CSMD3: variants seen among roughly 807,000 people sequenced by gnomAD.
CSMD3 encodes CUB and Sushi multiple domains 3, also known as CUB and sushi domain-containing protein 3.
Under a neutral mutation model 435.2 loss-of-function variants are expected in CSMD3, and 177 were observed. The observed-to-expected ratio is 0.41, with a 90% CI of 0.36 to 0.46. The LOEUF is 0.46. Ranked by LOEUF, CSMD3 falls within the 20% of genes least tolerant of loss-of-function variation. The pLI, the probability that CSMD3 is intolerant of heterozygous loss-of-function variation, is 0.34. For synonymous variants in CSMD3, 1,656 were observed against 1,520.5 expected (o/e 1.09, Z -2.07); for missense variants, 4,265 against 4,504.6 (o/e 0.95, Z 1.52).
chr8:113,385,869 C>T (rs2094437056), intron 1 of CSMD3, among the ~76,000 whole-genome samples: 1 of 151,856 alleles, frequency 6.6e-6, no homozygotes, highest in Non-Finnish European at 1.5e-5. Context: ...TTTTAATTTG[C>T]TTTTTATTAA....
intron 2 of CSMD3, 75 bp downstream of exon 2, chr8:113,314,496 A>C (rs1461605875): frequency 2.4e-6 from 2 of 843,620 alleles, no homozygotes; most frequent in South Asian, 1.4e-5. Flanking sequence ...ACAAATGTTA[A>C]GCATCTTTTG....
intron 14 of CSMD3, among the ~76,000 whole-genome samples, chr8:112,688,625 A>G (rs1219115508): frequency 6.6e-6 from 1 of 152,026 alleles, no homozygotes; most frequent in Non-Finnish European, 1.5e-5. Flanking sequence ...AATTTTTTGT[A>G]TGAGTTATTT....
intron 7 of CSMD3, among the ~76,000 whole-genome samples, chr8:112,956,739 G>A (rs1213272400): frequency 1.3e-5 from 2 of 152,064 alleles, no homozygotes; most frequent in African/African-American, 2.4e-5. Context: ...GGACAGATTA[G>A]CATGCCTACT....
intron 5 of CSMD3, among the ~76,000 whole-genome samples, chr8:113,048,931 T>G (rs2131317999): frequency 6.6e-6 from 1 of 152,242 alleles, no homozygotes; most frequent in African/African-American, 2.4e-5. Flanking sequence ...TATACAGCAT[T>G]TTGTGTTTTA....
intron 3 of CSMD3, among the ~76,000 whole-genome samples, chr8:113,178,874 A>T (rs894619048): frequency 6.6e-6 from 1 of 151,884 alleles, no homozygotes; most frequent in Non-Finnish European, 1.5e-5. Flanking sequence ...TCACGCAGTG[A>T]TGTATATCCT....
chr8:113,290,285 T>A (rs2132525373), intron 2 of CSMD3, among the ~76,000 whole-genome samples: 1 of 151,752 alleles, frequency 6.6e-6, no homozygotes, highest in Admixed American at 6.6e-5. Context: ...CTTATGATAG[T>A]GATGATTAAA....
In CSMD3 at chr8:113,436,624, A is replaced by G. The variant is rs568578490; in HGVS notation, c.178+53T>C. 5.9e-6 allele frequency: 9 copies of G among 1,531,306 alleles called. No homozygotes were observed. The African/African-American group carries it at 8.2e-5, about 14-fold the overall frequency. 94.9% of individuals were successfully genotyped at this position (1,531,306 alleles called of 1,614,324 possible). On this transcript the variant is annotated intron_variant, in intron 1 of 70. Coordinates refer to ENST00000297405, the MANE Select transcript of CSMD3 (RefSeq NM_198123.2). ...GTAAGCTGCCAGCCTCTCTCCATCT[A>G]CAAGTCAGCCCACCTCCATCCAAAG... is the stretch of plus-strand genomic sequence containing the variant.
intron 5 of CSMD3, among the ~76,000 whole-genome samples, chr8:113,049,535 T>A (rs1444272886): frequency 3.3e-5 from 5 of 152,274 alleles, no homozygotes; most frequent in African/African-American, 1.2e-4. Context: ...AGAACGATTA[T>A]TTTTTAAGAA....
Position 112,263,710 on chromosome 8 carries a change from T to G in CSMD3, c.9791A>C (p.Glu3264Ala), listed in dbSNP as rs775884845. The G allele has an allele frequency of 1.1e-5, 17 of 1,613,664 alleles. No homozygotes were observed. Among genetic ancestry groups the G allele is most frequent in the Middle Eastern group, 1.6e-4 (1 of 6,082 alleles). The change falls in exon 61 of 71, where the codon GAG becomes GCG. Residue 3264 changes from glutamate to alanine, a missense_variant. Glu to Ala is a moderately radical substitution (Grantham distance 107, BLOSUM62 -1). This residue lies in a region of CSMD3 where 3,255 missense variants were observed against 3,380.2 expected (regional missense o/e 0.96). Transcript: ENST00000297405. ...GGTCAAAACAGCAGGGAAGGATAGC[T>G]CATAGCCTGGAGAACAGATGTAGCT... is the stretch of plus-strand genomic sequence containing the variant. Reference protein sequence around the residue: ...SISYICSPGYELSFPAVLTCV... With the variant: ...SISYICSPGYALSFPAVLTCV...
At chr8:112,452,935 G>A (rs1453302716) in intron 32 of CSMD3, among the ~76,000 whole-genome samples, 1 of 152,132 alleles carries the variant, frequency 6.6e-6, no homozygotes, top group Non-Finnish European at 1.5e-5. Flanking sequence ...AAAAGCAATG[G>A]CCTAAATGAT....
chr8:112,646,639 T>C (rs899904078), intron 19 of CSMD3, among the ~76,000 whole-genome samples: 11 of 152,176 alleles, frequency 7.2e-5, no homozygotes, highest in Non-Finnish European at 1.5e-4. Context: ...TTAGGAGGAA[T>C]GGTCAACAAC....
chr8:112,647,139 G>T (rs560794057), intron 19 of CSMD3, among the ~76,000 whole-genome samples: 58 of 151,956 alleles, frequency 3.8e-4, no homozygotes, highest in Non-Finnish European at 7.6e-4. Flanking sequence ...GAATTGTGTG[G>T]ATGTTTTTTC....
At chr8:113,332,268 A>G (rs895358318) in intron 1 of CSMD3, among the ~76,000 whole-genome samples, 1 of 151,008 alleles carries the variant, frequency 6.6e-6, no homozygotes, top group African/African-American at 2.4e-5. Context: ...TGCCTATCCA[A>G]TTTGTCCATA....
chr8:112,875,990 G>A (rs900636583), intron 10 of CSMD3, among the ~76,000 whole-genome samples: 1 of 152,076 alleles, frequency 6.6e-6, no homozygotes, highest in Non-Finnish European at 1.5e-5. Context: ...TGGAAAATAA[G>A]AGGCATTCTG....
intron 1 of CSMD3, among the ~76,000 whole-genome samples, chr8:113,329,783 G>T (rs1232958291): frequency 6.6e-6 from 1 of 151,990 alleles, no homozygotes; most frequent in African/African-American, 2.4e-5. Flanking sequence ...GCCAAAAGTT[G>T]TAGAATTACA....
rs1259077343 is a variant in CSMD3, at chr8:113,128,148, T to A, written c.710-29185A>T. ...CAACAATTTGCAATTTTTGTAATTA[T>A]GTGTTGTTTTTCTGTTCTGCCCCAT... On this transcript the variant is annotated intron_variant, in intron 4 of 70. Transcript: ENST00000297405. Among the ~76,000 whole-genome samples the A allele has an allele frequency of 2.6e-5, 4 of 152,126 alleles. No homozygotes were observed. In the East Asian group the frequency reaches 7.7e-4, roughly 29 times the overall value.
intron 13 of CSMD3, among the ~76,000 whole-genome samples, chr8:112,710,172 A>T (rs2076581698): frequency 6.6e-6 from 1 of 152,012 alleles, no homozygotes; most frequent in African/African-American, 2.4e-5. Flanking sequence ...AAGCCAATTT[A>T]TTTTTTCTTT....
chr8:112,521,501 G>A (rs1382985639), intron 27 of CSMD3, among the ~76,000 whole-genome samples: 1 of 151,750 alleles, frequency 6.6e-6, no homozygotes, highest in East Asian at 1.9e-4. Context: ...TGGCTTATTT[G>A]CTGCTCTCTT....
intron 8 of CSMD3, among the ~76,000 whole-genome samples, chr8:112,950,733 G>T (rs183075266): frequency 1.0e-3 from 154 of 152,008 alleles, no homozygotes; most frequent in Admixed American, 2.7e-3. Context: ...GCTAGTTAAT[G>T]GGAATCTATA....
Sources: gnomAD v4.1 joint callset for allele counts (sites outside exome capture counted in the v4.1 genomes callset) on GRCh38, gnomAD v4.1.1 for gene constraint, gnomAD v4.1.1 regional missense constraint, MANE v1.5 for transcripts, NCBI Gene and HGNC (gene_info 2026-07-23, HGNC 2026-07-21) for gene names.